SLC9B1: variants seen among roughly 807,000 people sequenced by gnomAD.
SLC9B1 encodes solute carrier family 9 member B1, also known as sodium/hydrogen exchanger 9B1.
A neutral mutation model predicts 51.7 loss-of-function variants in SLC9B1; 32 were observed. The ratio of observed to expected loss-of-function variants is 0.62; its 90% CI spans 0.47 to 0.83. The LOEUF (loss-of-function observed/expected upper bound fraction) is 0.83, where lower values mean the gene tolerates loss of function less well. Ranked by LOEUF, SLC9B1 falls within the 40% of genes least tolerant of loss-of-function variation. The pLI is 0.00. For missense variants in SLC9B1, 406 were observed against 613.2 expected, an observed-to-expected ratio of 0.66 and a Z score of 3.57; for synonymous variants, 145 against 212.7, an observed-to-expected ratio of 0.68 and a Z score of 2.77.
chr4:103,008,711 G>C (rs1740926150), intron 1 of SLC9B1, among the ~76,000 whole-genome samples: 1 of 150,578 alleles, frequency 6.6e-6, no homozygotes, highest in Admixed American at 6.6e-5. Context: ...TAAATTTCTT[G>C]TCATTTCATC....
At chr4:102,929,339 A>G (rs1258348986) in intron 7 of SLC9B1, among the ~76,000 whole-genome samples, 1 of 152,160 alleles carries the variant, frequency 6.6e-6, no homozygotes, top group Non-Finnish European at 1.5e-5. Flanking sequence ...TGGCTCCCCT[A>G]CTTACTGGAT....
At chr4:102,979,618 G>A (rs1322367415) in intron 3 of SLC9B1, among the ~76,000 whole-genome samples, 1 of 152,170 alleles carries the variant, frequency 6.6e-6, no homozygotes, top group African/African-American at 2.4e-5. Flanking sequence ...GGGAAGCACT[G>A]GCCCTCCACT....
chr4:102,898,966 C>A (rs555442392), downstream of SLC9B1, among the ~76,000 whole-genome samples: 4 of 152,182 alleles, frequency 2.6e-5, no homozygotes, highest in African/African-American at 7.2e-5. Context: ...TGGTCTCCCT[C>A]CCCTGACCTC....
chr4:102,925,023 A>G (rs1181650072), intron 7 of SLC9B1, among the ~76,000 whole-genome samples: 2 of 152,330 alleles, frequency 1.3e-5, no homozygotes, highest in East Asian at 1.9e-4. Context: ...TAGAACTAGA[A>G]ATACCATTTC....
intron 6 of SLC9B1, among the ~76,000 whole-genome samples, chr4:102,941,888 G>C (rs1452244987): frequency 6.6e-6 from 1 of 151,978 alleles, no homozygotes; most frequent in African/African-American, 2.4e-5. Flanking sequence ...ATGATTATAT[G>C]ATCATATAAT....
exon 12 of SLC9B1, chr4:102,885,094 G>T: frequency 1.3e-6 from 1 of 787,214 alleles, no homozygotes; most frequent in East Asian, 2.6e-5. Context: ...CAGTTTTATG[G>T]ATCCATTAAA....
chr4:102,963,654 G>GA (rs1738261748), intron 3 of SLC9B1, among the ~76,000 whole-genome samples: 3 of 151,698 alleles, frequency 2.0e-5, no homozygotes, highest in Non-Finnish European at 2.9e-5. Flanking sequence ...TTGTTAAGAG[G>GA]AAAAAAAATT....
chr4:102,982,670 A>G (rs1437002694), intron 3 of SLC9B1, among the ~76,000 whole-genome samples: 1 of 152,110 alleles, frequency 6.6e-6, no homozygotes, highest in Non-Finnish European at 1.5e-5. Context: ...TGCTGTTTTT[A>G]ATTTCAAATT....
intron 9 of SLC9B1, among the ~76,000 whole-genome samples, chr4:102,909,420 T>C (rs1461669171): frequency 6.6e-6 from 1 of 151,802 alleles, no homozygotes; most frequent in Non-Finnish European, 1.5e-5. Flanking sequence ...CTGGCCAACA[T>C]GGTGAAACCC....
chr4:102,970,947 CTA>C (rs1289280402), intron 3 of SLC9B1, among the ~76,000 whole-genome samples: 2 of 152,082 alleles, frequency 1.3e-5, no homozygotes, highest in Admixed American at 1.3e-4. Context: ...ACTATCCTAA[CTA>C]TATATGCACC....
chr4:103,018,367 C>T (rs1741512667), intron 1 of SLC9B1, among the ~76,000 whole-genome samples: 1 of 152,076 alleles, frequency 6.6e-6, no homozygotes, highest in Admixed American at 6.5e-5. Flanking sequence ...TGAACTTGTA[C>T]TAACTAAATC....
At chr4:102,951,922 G>T (rs1307953738) in intron 3 of SLC9B1, among the ~76,000 whole-genome samples, 1 of 102,574 alleles carries the variant, frequency 9.7e-6, no homozygotes, top group Non-Finnish European at 1.9e-5. Flanking sequence ...TAGATAAAAT[G>T]TTGAGAAACT....
chr4:103,009,936 A>G (rs1237863894), intron 1 of SLC9B1, among the ~76,000 whole-genome samples: 1 of 152,186 alleles, frequency 6.6e-6, no homozygotes, highest in Non-Finnish European at 1.5e-5. Flanking sequence ...TAAGATAATG[A>G]CTACCTAGTA....
At position 102,991,729 on chromosome 4, in the gene SLC9B1, A is replaced by G; in HGVS notation, c.-1-17T>C. The stretch of plus-strand genomic sequence containing the variant: ...GTATGCATGCTAAGATTTAAAAGAA[A>G]AATACTTTAAAAGAAGAAACAAGAC... On this transcript the variant is annotated splice_polypyrimidine_tract_variant and intron_variant, in intron 1 of 11. Transcript: ENST00000296422. 1 of 1,502,000 alleles carries G rather than the reference A, an allele frequency of 6.7e-7. No homozygotes were observed. Among genetic ancestry groups the G allele is most frequent in the South Asian group, 1.2e-5 (1 of 80,842 alleles). The allele number at this position is 1,502,000 out of a possible 1,614,324, so 93.0% of individuals were successfully genotyped here. A position where few individuals can be genotyped will look rare whatever the true frequency, so the allele number is the denominator to read the frequency against.
rs1403999754 is a variant in SLC9B1 at position 102,911,473 on chromosome 4, A to G, written c.894T>C (p.Ile298=). The change falls in exon 8 of 12, where the codon ATT becomes ATC. Residue 298 remains isoleucine (I), a synonymous_variant. Coordinates refer to ENST00000296422, the MANE Select transcript of SLC9B1 (RefSeq NM_139173.4). ...RNVCISLLAG[I]VLGFFVRYFP... ...AATATCGAACAAAAAATCCCAAAAC[A>G]ATTCCTGCCAGCAGACTAATACATA... 1 of 1,596,948 alleles carries G rather than the reference A, an allele frequency of 6.3e-7. No individual in the cohort carries two copies. Among genetic ancestry groups the G allele is most frequent in the Non-Finnish European group, 8.5e-7 (1 of 1,179,526 alleles).
At chr4:102,971,491 G>A (rs1043256978) in intron 3 of SLC9B1, among the ~76,000 whole-genome samples, 8 of 152,106 alleles carry the variant, frequency 5.3e-5, no homozygotes, top group Non-Finnish European at 1.0e-4. Context: ...TTAAAGCAGT[G>A]TGTAGAGGGA....
At chr4:102,926,891 C>T (rs1736211323) in intron 7 of SLC9B1, among the ~76,000 whole-genome samples, 1 of 152,064 alleles carries the variant, frequency 6.6e-6, no homozygotes, top group African/African-American at 2.4e-5. Context: ...GGTACTGGTA[C>T]CAAAACAGAT....
At chr4:102,990,043 T>C (rs570720014) in intron 2 of SLC9B1, 102 bp from the exon 3 acceptor site, 1 of 904,176 alleles carries the variant, frequency 1.1e-6, no homozygotes, top group African/African-American at 1.7e-5. Flanking sequence ...ATTATTACTG[T>C]CAATGCGAGG....
At chr4:102,966,129 A>G (rs1204124569) in intron 3 of SLC9B1, among the ~76,000 whole-genome samples, 1 of 152,198 alleles carries the variant, frequency 6.6e-6, no homozygotes, top group East Asian at 1.9e-4. Flanking sequence ...CAATGGCTCT[A>G]TAGTTCTGGA....
Sources: gnomAD v4.1 joint callset for allele counts (sites outside exome capture counted in the v4.1 genomes callset) on GRCh38, gnomAD v4.1.1 for gene constraint, MANE v1.5 for transcripts, NCBI Gene and HGNC (gene_info 2026-07-23, HGNC 2026-07-21) for gene names.